Variants in ASPH observed in about 807,000 individuals in gnomAD.
ASPH encodes the protein aspartyl/asparaginyl beta-hydroxylase.
ASPH carries 100 observed loss-of-function variants against 118.4 expected under a neutral mutation model. The observed-to-expected ratio is 0.84, with a 90% CI of 0.72 to 1.00. The LOEUF (loss-of-function observed/expected upper bound fraction) is 1.00. ASPH is among the 50% of genes least tolerant of loss of function. ASPH has a pLI of 0.00. For synonymous variants in ASPH, 315 were observed against 325.6 expected (o/e 0.97, Z 0.35); for missense variants, 920 against 919.5 (o/e 1.00, Z -0.01).
rs1017305195 is a variant in ASPH at position 61,548,114 on chromosome 8, G to A, written c.1721C>T (p.Pro574Leu). The change falls in exon 21 of 25, where the codon CCT becomes CTT. Residue 574 changes from proline (P) to leucine (L), a missense_variant. Pro to Leu is a moderately conservative substitution (Grantham distance 98). Coordinates refer to ENST00000379454, the MANE Select transcript of ASPH (RefSeq NM_004318.4). ...GCCCGTTTCTTTTGGGGTCCACCAA[G>A]GCTGTGCTTTCAGTCCATTCACATT... ...LYNVNGLKAQPWWTPKETGYT... is the reference protein window; with the variant it reads ...LYNVNGLKAQLWWTPKETGYT... 1.9e-6 allele frequency: 3 copies of A among 1,613,848 alleles called. No homozygotes were observed. The African/African-American group carries it at 4.0e-5, about 22-fold the overall frequency.
rs1410872885 is a variant in ASPH at position 61,555,942 on chromosome 8, C to T, written c.1518G>A (p.Glu506=). The T allele has an allele frequency of 6.2e-7, 1 of 1,613,952 alleles. No individual in the cohort carries two copies. Among genetic ancestry groups the T allele is most frequent in the Non-Finnish European group, 8.5e-7 (1 of 1,179,944 alleles). The change falls in exon 19 of 25, where the codon GAG becomes GAA. Residue 506 remains glutamate, a synonymous_variant. Transcript: ENST00000379454. The stretch of plus-strand genomic sequence containing the variant: ...GCATTACCTTTAAATATGGGATGCT[C>T]TCAGCAATTTTGTTCTGTGCCTTCA... ...FILKAQNKIA[E]SIPYLKEGIE... is the part of the protein sequence containing the mutation.
intron 1 of ASPH, among the ~76,000 whole-genome samples, chr8:61,710,774 C>T (rs536356217): frequency 6.6e-6 from 1 of 152,288 alleles, no homozygotes; most frequent in African/African-American, 2.4e-5. Context: ...AGGGCCTCTT[C>T]ATTCAAGGGC....
At chr8:61,620,441 C>T (rs1377761312) in intron 13 of ASPH, among the ~76,000 whole-genome samples, 1 of 151,660 alleles carries the variant, frequency 6.6e-6, no homozygotes, top group South Asian at 2.1e-4. Context: ...ATAGGGTTTA[C>T]AGCACATACC....
At chr8:61,518,608 GA>G (rs947646010) in intron 22 of ASPH, among the ~76,000 whole-genome samples, 2 of 151,874 alleles carry the variant, frequency 1.3e-5, no homozygotes, top group African/African-American at 2.4e-5. Context: ...AAAGTAAGCT[GA>G]AAAAAAGAAA....
intron 15 of ASPH, among the ~76,000 whole-genome samples, chr8:61,580,346 A>G (rs1837095082): frequency 6.6e-6 from 1 of 152,104 alleles, no homozygotes; most frequent in South Asian, 2.1e-4. Context: ...TGAGGGCTCC[A>G]CCCGTACAGC....
chr8:61,588,341 G>A (rs1332772563), intron 14 of ASPH, among the ~76,000 whole-genome samples: 1 of 152,218 alleles, frequency 6.6e-6, no homozygotes, highest in Non-Finnish European at 1.5e-5. Context: ...TAAAAGGATA[G>A]CTGAAGGCAG....
At chr8:61,655,670 G>C (rs1376583152) in intron 3 of ASPH, among the ~76,000 whole-genome samples, 1 of 152,144 alleles carries the variant, frequency 6.6e-6, no homozygotes. Context: ...CTGAGAGTCA[G>C]CTTTCTCTAA....
intron 12 of ASPH, 71 bp downstream of exon 12, chr8:61,637,876 C>T (rs1481152031): frequency 8.4e-6 from 12 of 1,431,492 alleles, no homozygotes; most frequent in East Asian, 4.7e-5. Context: ...AGGAAATGTT[C>T]GATAAATAAC....
rs62505969 is a variant in ASPH, at chr8:61,681,105, T to A, written c.254-69A>T. 38 of 1,270,194 alleles carry A rather than the reference T, an allele frequency of 3.0e-5. No homozygotes were observed. In the East Asian group the frequency reaches 6.5e-4, roughly 22 times the overall value. The allele number at this position is 1,270,194 out of a possible 1,614,324, so 78.7% of individuals were successfully genotyped here. On this transcript the variant is annotated intron_variant, in intron 2 of 24. Transcript: ENST00000379454. Reference sequence around the variant, plus strand: ...AGAAATTTAATAAGGTATTATAACTTAGTGAAGTCATGCAACTCAGTCATA... The same window carrying A: ...AGAAATTTAATAAGGTATTATAACTAAGTGAAGTCATGCAACTCAGTCATA...
intron 3 of ASPH, chr8:61,663,078 TA>T (rs1160146475): frequency 1.0e-6 from 1 of 985,372 alleles, no homozygotes; most frequent in Non-Finnish European, 1.2e-6. Flanking sequence ...ACATAAGTTT[TA>T]AAAAAACATT....
At chr8:61,599,167 G>A (rs930020556) in intron 14 of ASPH, among the ~76,000 whole-genome samples, 6 of 151,674 alleles carry the variant, frequency 4.0e-5, no homozygotes, top group Non-Finnish European at 7.4e-5. Flanking sequence ...ACAAAATAGG[G>A]ACTAAAAAAA....
intron 10 of ASPH, among the ~76,000 whole-genome samples, chr8:61,641,558 CT>C (rs1805135930): frequency 1.3e-5 from 2 of 152,106 alleles, no homozygotes; most frequent in Non-Finnish European, 2.9e-5. Flanking sequence ...TTATCAGTAC[CT>C]TAAAGACACA....
chr8:61,529,020 AC>A (rs1336313840), intron 21 of ASPH, among the ~76,000 whole-genome samples: 1 of 152,168 alleles, frequency 6.6e-6, no homozygotes. Context: ...ATACTTTCTT[AC>A]AGAATTTTAC....
At chr8:61,660,418 T>C (rs1189557472) in intron 3 of ASPH, 1 of 152,122 alleles carries the variant, frequency 6.6e-6, no homozygotes, top group Non-Finnish European at 1.5e-5. Context: ...CAATTTTTCT[T>C]TACCCAACAG....
chr8:61,571,748 T>C (rs979351378), intron 16 of ASPH, among the ~76,000 whole-genome samples: 8 of 152,230 alleles, frequency 5.3e-5, no homozygotes, highest in Non-Finnish European at 7.3e-5. Context: ...TTCTAAGGTA[T>C]AAAACATTTT....
chr8:61,594,860 T>C (rs538840539), intron 14 of ASPH, among the ~76,000 whole-genome samples: 21 of 152,326 alleles, frequency 1.4e-4, no homozygotes, highest in African/African-American at 5.0e-4. Flanking sequence ...GGAAGGACTA[T>C]TGTATATATT....
intron 24 of ASPH, among the ~76,000 whole-genome samples, chr8:61,516,062 A>C (rs1810789254): frequency 6.6e-6 from 1 of 152,202 alleles, no homozygotes; most frequent in Non-Finnish European, 1.5e-5. Flanking sequence ...TTGCAACCTT[A>C]TTCTTTATGT....
chr8:61,660,498 G>T (rs1050005800), intron 3 of ASPH: 1 of 152,158 alleles, frequency 6.6e-6, no homozygotes, highest in African/African-American at 2.4e-5. Context: ...ACCCCATAAG[G>T]AGTAGGGTTG....
At chr8:61,672,938 T>C (rs934180450) in intron 3 of ASPH, among the ~76,000 whole-genome samples, 1 of 152,208 alleles carries the variant, frequency 6.6e-6, no homozygotes, top group Admixed American at 6.5e-5. Flanking sequence ...GAAAGGGTCA[T>C]GGAGCATCAA....
Sources: allele counts gnomAD v4.1 joint callset (sites outside exome capture counted in the v4.1 genomes callset), GRCh38; gene constraint gnomAD v4.1.1; transcripts MANE v1.5; gene names NCBI Gene and HGNC (gene_info 2026-07-23, HGNC 2026-07-21).